USP48: variants seen among roughly 807,000 people sequenced by gnomAD.
USP48 encodes ubiquitin specific peptidase 48.
In USP48, 43 loss-of-function variants were observed where a neutral mutation model predicts 150.7. The ratio of observed to expected loss-of-function variants is 0.29; its 90% confidence interval spans 0.22 to 0.37. USP48 has a LOEUF of 0.37. Ranked by LOEUF, USP48 falls within the 10% of genes least tolerant of loss-of-function variation. The probability of loss-of-function intolerance (pLI) is 1.00; values close to 1 mark genes in which losing one functional copy is unlikely to be tolerated. For synonymous variants in USP48, 396 were observed against 425.9 expected, an observed-to-expected ratio of 0.93 and a Z score of 0.86; for missense variants, 813 against 1,249.6, an observed-to-expected ratio of 0.65 and a Z score of 5.27.
intron 25 of USP48, chr1:21,686,211 T>C (rs1367220834): frequency 6.6e-6 from 1 of 152,246 alleles, no homozygotes; most frequent in Non-Finnish European, 1.5e-5. Flanking sequence ...TTGCTAGGAC[T>C]TCCAATACTA....
At chr1:21,748,530 C>A (rs2097801100) in intron 6 of USP48, among the ~76,000 whole-genome samples, 1 of 152,188 alleles carries the variant, frequency 6.6e-6, no homozygotes, top group African/African-American at 2.4e-5. Context: ...GTTTTAGGTT[C>A]TTTGTCCTGG....
intron 1 of USP48, among the ~76,000 whole-genome samples, chr1:21,761,101 A>G (rs1403642996): frequency 2.0e-5 from 3 of 149,500 alleles, no homozygotes; most frequent in African/African-American, 7.4e-5. Flanking sequence ...TCTCAAAAGA[A>G]AAAAAAGAAA....
intron 1 of USP48, among the ~76,000 whole-genome samples, chr1:21,764,204 G>A (rs2097856413): frequency 6.6e-6 from 1 of 152,130 alleles, no homozygotes; most frequent in Admixed American, 6.6e-5. Flanking sequence ...TTGCAAGGCT[G>A]AGGCAGGCAG....
intron 7 of USP48, among the ~76,000 whole-genome samples, chr1:21,747,734 G>A (rs982996279): frequency 7.2e-5 from 11 of 151,804 alleles, no homozygotes; most frequent in East Asian, 1.9e-4. Context: ...CACCACGCCC[G>A]GCTAATTTTT....
chr1:21,703,408 C>T (rs2097662978), intron 21 of USP48, 104 bp downstream of exon 21: 2 of 727,154 alleles, frequency 2.8e-6, no homozygotes, highest in African/African-American at 1.8e-5. Flanking sequence ...TCTGAAGGAA[C>T]AAAAATGCAG....
intron 1 of USP48, among the ~76,000 whole-genome samples, chr1:21,759,535 A>AG (rs1434056188): frequency 6.6e-6 from 1 of 152,208 alleles, no homozygotes; most frequent in South Asian, 2.1e-4. Flanking sequence ...TTCCAAGGCC[A>AG]GGGCAGTGAA....
rs549100722 is a variant in USP48 at position 21,704,222 on chromosome 1, G to C, written c.2515+40C>G. 8 of 1,593,462 alleles carry C rather than the reference G, an allele frequency of 5.0e-6. No individual in the cohort carries two copies. In the African/African-American group the frequency reaches 1.1e-4, roughly 22 times the overall value. On this transcript the variant is annotated intron_variant, in intron 20 of 26. Coordinates refer to ENST00000308271, the MANE Select transcript of USP48 (RefSeq NM_032236.8). Reference sequence around the variant, plus strand: ...CACACCCTTTCTTCTTAAAATGTCAGCTCTTAACTATAGAAACCGAAAGCA... The same window carrying C: ...CACACCCTTTCTTCTTAAAATGTCACCTCTTAACTATAGAAACCGAAAGCA...
chr1:21,756,415 A>G, intron 3 of USP48, 131 bp downstream of exon 3: 1 of 1,097,624 alleles, frequency 9.1e-7, no homozygotes, highest in Middle Eastern at 2.2e-4. Flanking sequence ...CAGGAGGCAG[A>G]CGTTGCAGTG....
intron 19 of USP48, chr1:21,704,724 T>A: frequency 6.6e-6 from 1 of 150,996 alleles, no homozygotes. Context: ...TGTGCGTGCA[T>A]TTTTTTTTTT....
chr1:21,699,737 A>C (rs769627473), intron 22 of USP48, among the ~76,000 whole-genome samples: 3 of 151,288 alleles, frequency 2.0e-5, no homozygotes, highest in Non-Finnish European at 4.4e-5. Context: ...GCTGGTGTCG[A>C]ACTCTTAACC....
Position 21,783,116 on chromosome 1 carries a change from C to T in USP48, c.-159G>A. Reference sequence around the variant, plus strand: ...TCACCTGTGCGCGCCACTGCCGCCGCGCCCGCCCGCGCCCGACCCGCACGA... The same window carrying T: ...TCACCTGTGCGCGCCACTGCCGCCGTGCCCGCCCGCGCCCGACCCGCACGA... On this transcript the variant is annotated 5_prime_UTR_variant, in exon 1 of 27. Transcript: ENST00000308271. 2.8e-6 allele frequency: 3 copies of T among 1,085,652 alleles called. No homozygotes were observed. The highest frequency in any genetic ancestry group is 3.6e-6 in the Non-Finnish European group (3 of 827,922). The allele number at this position is 1,085,652 out of a possible 1,614,324, so 67.3% of individuals were successfully genotyped here.
At chr1:21,719,728 G>A (rs956047220) in intron 14 of USP48, among the ~76,000 whole-genome samples, 3 of 152,132 alleles carry the variant, frequency 2.0e-5, no homozygotes, top group Admixed American at 6.6e-5. Context: ...TTAGCTGGGC[G>A]TGGTGGTGTG....
chr1:21,701,596 T>G lies in USP48; in HGVS notation c.2629A>C (p.Lys877Gln). Residue 877 changes from lysine to glutamine, a missense_variant, in exon 22 of 27, where the codon AAG becomes CAG. Coordinates refer to ENST00000308271, the MANE Select transcript of USP48 (RefSeq NM_032236.8). ...ACATTCAGTTCCGGAGCCGAATCCT[T>G]CATCACCTGAATGTGCCAGGACAAC... ...HKVVDNKKVM[K>Q]DSAPELNVSS... 1 of 1,613,640 alleles carries G rather than the reference T, an allele frequency of 6.2e-7. No homozygotes were observed. The highest frequency in any genetic ancestry group is 1.1e-5 in the South Asian group (1 of 91,068).
At chr1:21,735,982 C>T (rs774294629) in intron 9 of USP48, among the ~76,000 whole-genome samples, 2 of 151,588 alleles carry the variant, frequency 1.3e-5, no homozygotes, top group African/African-American at 4.8e-5. Context: ...GGCTGAGGCA[C>T]GAGAACTGCT....
intron 14 of USP48, among the ~76,000 whole-genome samples, chr1:21,719,735 T>C (rs1218157967): frequency 6.6e-6 from 1 of 151,846 alleles, no homozygotes; most frequent in African/African-American, 2.4e-5. Flanking sequence ...GGCGTGGTGG[T>C]GTGCACCTGT....
chr1:21,734,947 GA>G (rs1323500999), intron 9 of USP48, among the ~76,000 whole-genome samples: 1 of 152,166 alleles, frequency 6.6e-6, no homozygotes, highest in Non-Finnish European at 1.5e-5. Context: ...ACTATTTTAA[GA>G]AGTAGTCTTT....
In USP48 at chr1:21,731,990, C is replaced by T. The variant is rs182124641; in HGVS notation, c.1172-2158G>A. Among the ~76,000 whole-genome samples, 416 of 152,212 alleles carry T rather than the reference C, an allele frequency of 2.7e-3. 2 individuals are homozygous for T. The highest frequency in any genetic ancestry group is 9.5e-3 in the African/African-American group (395 of 41,536). On this transcript the variant is annotated intron_variant, in intron 9 of 26. Coordinates refer to ENST00000308271, the MANE Select transcript of USP48 (RefSeq NM_032236.8). The stretch of plus-strand genomic sequence containing the variant: ...AGATGGCAACTATAGCACATGAAAA[C>T]GATTTTCAAATTGGGTTTCAGCGTT...
intron 1 of USP48, chr1:21,768,178 G>A (rs2097867549): frequency 6.6e-6 from 1 of 151,516 alleles, no homozygotes; most frequent in Non-Finnish European, 1.5e-5. Context: ...CTGCACTCTA[G>A]CCTGGGCAAC....
At position 21,712,358 on chromosome 1, in the gene USP48, C is replaced by CA. The variant is rs199944564; in HGVS notation, c.1963+3030dup. On this transcript the variant is annotated intron_variant, in intron 15 of 26. Transcript: ENST00000308271. The stretch of plus-strand genomic sequence containing the variant: ...TGGGCGACACAGTGAGACGCCATCT[C>CA]AAAAAAAACCAAAACAAAATAGATA... 2.4e-4 allele frequency among the ~76,000 whole-genome samples: 36 copies of CA among 150,266 alleles called. 1 individual carries two copies. Among genetic ancestry groups the CA allele is most frequent in the Middle Eastern group, 3.4e-3 (1 of 292 alleles).
Sources: allele counts gnomAD v4.1 joint callset (sites outside exome capture counted in the v4.1 genomes callset), GRCh38; gene constraint gnomAD v4.1.1; transcripts MANE v1.5; gene names NCBI Gene and HGNC (gene_info 2026-07-23, HGNC 2026-07-21).